Variants in SLC35F3 observed in about 807,000 individuals in gnomAD.
SLC35F3 encodes the protein putative thiamine transporter SLC35F3.
In SLC35F3, 25 loss-of-function variants were observed where a neutral mutation model predicts 49.9. That is an observed-to-expected ratio of 0.50 (90% CI 0.37 to 0.70). The LOEUF is 0.70. Ranked by LOEUF, SLC35F3 falls within the 30% of genes least tolerant of loss-of-function variation. The pLI, the probability that SLC35F3 is intolerant of heterozygous loss-of-function variation, is 0.00. For synonymous variants in SLC35F3, 275 were observed against 265.4 expected (o/e 1.04, Z -0.35); for missense variants, 525 against 639.8 (o/e 0.82, Z 1.94).
chr1:234,110,792 C>T (rs1054227978), intron 2 of SLC35F3, among the ~76,000 whole-genome samples: 7 of 152,162 alleles, frequency 4.6e-5, no homozygotes, highest in African/African-American at 1.7e-4. Context: ...TCACTTCTAG[C>T]AACTGGTCTT....
intron 2 of SLC35F3, among the ~76,000 whole-genome samples, chr1:234,182,845 T>C (rs951164000): frequency 1.3e-5 from 2 of 152,196 alleles, no homozygotes; most frequent in Non-Finnish European, 2.9e-5. Context: ...TGAAGTGCTA[T>C]TTGCATTTCT....
Position 233,990,239 on chromosome 1 carries a change from A to G in SLC35F3, c.283+84481A>G, listed in dbSNP as rs577222833. 2.6e-5 allele frequency among the ~76,000 whole-genome samples: 4 copies of G among 152,268 alleles called. No individual in the cohort carries two copies. In the East Asian group the frequency reaches 7.7e-4, roughly 29 times the overall value. On this transcript the variant is annotated intron_variant, in intron 2 of 7. Coordinates refer to ENST00000366618, the MANE Select transcript of SLC35F3 (RefSeq NM_173508.4). Reference sequence around the variant, plus strand: ...TTCATTAATACATAATTTACGTAAAAGTGACTCACATATACTAGAAGTGCA... The same window carrying G: ...TTCATTAATACATAATTTACGTAAAGGTGACTCACATATACTAGAAGTGCA...
At chr1:234,034,110 T>A (rs1156449350) in intron 2 of SLC35F3, among the ~76,000 whole-genome samples, 1 of 152,216 alleles carries the variant, frequency 6.6e-6, no homozygotes, top group South Asian at 2.1e-4. Flanking sequence ...TTATGTTTTT[T>A]GCAGCTGTAA....
intron 2 of SLC35F3, among the ~76,000 whole-genome samples, chr1:234,022,406 C>G (rs2102843589): frequency 6.6e-6 from 1 of 152,316 alleles, no homozygotes; most frequent in East Asian, 1.9e-4. Context: ...AGAGTCAACG[C>G]TGCAGCTTGA....
rs571669468 is a variant in SLC35F3, at chr1:234,060,572, G to A, written c.283+154814G>A. Among the ~76,000 whole-genome samples the A allele has an allele frequency of 1.7e-3, 258 of 152,050 alleles. 1 individual carries two copies. Among genetic ancestry groups the A allele is most frequent in the South Asian group, 0.016 (75 of 4,790 alleles). On this transcript the variant is annotated intron_variant, in intron 2 of 7. Coordinates refer to ENST00000366618, the MANE Select transcript of SLC35F3 (RefSeq NM_173508.4). Reference sequence around the variant, plus strand: ...AGTGATCTTCCCATCTCAGCCTCCCGAATAGCTGGAACCACAGACACATGC... The same window carrying A: ...AGTGATCTTCCCATCTCAGCCTCCCAAATAGCTGGAACCACAGACACATGC...
intron 2 of SLC35F3, among the ~76,000 whole-genome samples, chr1:234,131,094 A>C (rs1366758201): frequency 6.6e-6 from 1 of 152,194 alleles, no homozygotes; most frequent in Non-Finnish European, 1.5e-5. Flanking sequence ...CTGCGATGTT[A>C]GAAGTGGGGA....
At chr1:234,041,830 A>G (rs1436969675) in intron 2 of SLC35F3, among the ~76,000 whole-genome samples, 15 of 152,174 alleles carry the variant, frequency 9.9e-5, no homozygotes, top group East Asian at 1.9e-4. Context: ...TTCAATAATC[A>G]TATTGACCAG....
intron 2 of SLC35F3, among the ~76,000 whole-genome samples, chr1:234,060,044 A>G (rs1664518028): frequency 1.3e-5 from 2 of 152,276 alleles, no homozygotes; most frequent in Admixed American, 1.3e-4. Flanking sequence ...TCAAGTTGAC[A>G]GTATTAACCG....
chr1:234,086,970 C>T (rs1349049654), intron 2 of SLC35F3, among the ~76,000 whole-genome samples: 1 of 152,240 alleles, frequency 6.6e-6, no homozygotes, highest in Non-Finnish European at 1.5e-5. Flanking sequence ...TTGCCTCTCT[C>T]TCTGATCATT....
intron 2 of SLC35F3, among the ~76,000 whole-genome samples, chr1:234,009,183 A>G (rs976539298): frequency 6.6e-6 from 1 of 152,262 alleles, no homozygotes; most frequent in Admixed American, 6.5e-5. Context: ...ATTTAAATAA[A>G]TAAAGTAATT....
chr1:234,139,853 C>G (rs76319273), intron 2 of SLC35F3, among the ~76,000 whole-genome samples: 1 of 151,546 alleles, frequency 6.6e-6, no homozygotes, highest in Non-Finnish European at 1.5e-5. Context: ...GAGGCTGAGG[C>G]AGGAGAATCG....
chr1:234,144,092 G>GA (rs34659548), intron 2 of SLC35F3, among the ~76,000 whole-genome samples: 28,517 of 152,196 alleles, frequency 0.19, 4,148 homozygotes, highest in East Asian at 0.75. Context: ...TCTGAAAAGT[G>GA]AGACGGGGTG....
chr1:234,248,904 G>C (rs1667690884), intron 3 of SLC35F3, among the ~76,000 whole-genome samples: 1 of 152,214 alleles, frequency 6.6e-6, no homozygotes, highest in African/African-American at 2.4e-5. Flanking sequence ...CACCTGTGCA[G>C]CCACCAGGGA....
intron 2 of SLC35F3, among the ~76,000 whole-genome samples, chr1:234,180,192 G>A (rs10910372): frequency 0.44 from 67,069 of 151,978 alleles, 17,981 homozygotes; most frequent in Non-Finnish European, 0.61. Flanking sequence ...TCCCCACTGT[G>A]GGGCTCTCTG....
chr1:234,018,470 C>T (rs912895958), intron 2 of SLC35F3, among the ~76,000 whole-genome samples: 2 of 152,100 alleles, frequency 1.3e-5, no homozygotes, highest in Non-Finnish European at 2.9e-5. Context: ...TATATGTTCT[C>T]CTGCTTCTCC....
chr1:234,250,522 C>T (rs1667719593), intron 3 of SLC35F3, among the ~76,000 whole-genome samples: 1 of 151,204 alleles, frequency 6.6e-6, no homozygotes, highest in East Asian at 1.9e-4. Flanking sequence ...GGCGTAGTGG[C>T]GGGCGCCTGT....
chr1:234,276,991 T>G (rs1031912310), intron 3 of SLC35F3, among the ~76,000 whole-genome samples: 1 of 152,164 alleles, frequency 6.6e-6, no homozygotes, highest in Non-Finnish European at 1.5e-5. Context: ...TTGGGGGTGT[T>G]CCTCTTCCCC....
At chr1:234,082,577 T>C (rs914344989) in intron 2 of SLC35F3, among the ~76,000 whole-genome samples, 1 of 152,180 alleles carries the variant, frequency 6.6e-6, no homozygotes, top group African/African-American at 2.4e-5. Flanking sequence ...GTTGACACTG[T>C]AGTATCACAG....
At chr1:234,039,255 A>G (rs1457013736) in intron 2 of SLC35F3, among the ~76,000 whole-genome samples, 1 of 152,218 alleles carries the variant, frequency 6.6e-6, no homozygotes, top group East Asian at 1.9e-4. Context: ...ATACAGTGAT[A>G]GAAAGAAAAT....
Sources: allele counts gnomAD v4.1 joint callset (sites outside exome capture counted in the v4.1 genomes callset), GRCh38; gene constraint gnomAD v4.1.1; transcripts MANE v1.5; gene names NCBI Gene and HGNC (gene_info 2026-07-23, HGNC 2026-07-21).